Variants in MLIP observed in about 807,000 individuals in gnomAD.
MLIP encodes muscular LMNA-interacting protein.
A neutral mutation model predicts 84.8 loss-of-function variants in MLIP; 79 were observed. The observed-to-expected ratio is 0.93, with a 90% CI of 0.78 to 1.12. MLIP has a LOEUF of 1.12. MLIP is among the 50% of genes most tolerant of loss of function. MLIP has a pLI of 0.00. For synonymous variants in MLIP, 504 were observed against 463.0 expected, an observed-to-expected ratio of 1.09 and a Z score of -1.14; for missense variants, 1,257 against 1,160.6, an observed-to-expected ratio of 1.08 and a Z score of -1.21.
chr6:54,056,979 G>T (rs1765697942), intron 1 of MLIP, among the ~76,000 whole-genome samples: 1 of 152,136 alleles, frequency 6.6e-6, no homozygotes, highest in African/African-American at 2.4e-5. Flanking sequence ...GAAAAGAAAA[G>T]AAAATTGCTT....
chr6:54,184,793 CTCTCTT>C (rs1334625943), intron 9 of MLIP, among the ~76,000 whole-genome samples: 3 of 152,066 alleles, frequency 2.0e-5, no homozygotes, highest in Non-Finnish European at 4.4e-5. Flanking sequence ...AAGCCCATCT[CTCTCTT>C]TCTCTCATTA....
chr6:54,084,170 C>T (rs929506729), intron 1 of MLIP, among the ~76,000 whole-genome samples: 4 of 151,966 alleles, frequency 2.6e-5, no homozygotes, highest in African/African-American at 9.7e-5. Flanking sequence ...TTTTGCTCCC[C>T]CTATCACCCC....
intron 4 of MLIP, among the ~76,000 whole-genome samples, chr6:54,140,865 A>G (rs816374): frequency 0.31 from 47,008 of 152,066 alleles, 7,627 homozygotes; most frequent in African/African-American, 0.4. Context: ...GTGATATTGA[A>G]GAATTTATAT....
intron 1 of MLIP, among the ~76,000 whole-genome samples, chr6:54,086,153 T>C (rs1003558903): frequency 2.3e-4 from 35 of 152,338 alleles, no homozygotes; most frequent in South Asian, 6.2e-4. Context: ...TGGTTCTTTA[T>C]CTACATTTAC....
intron 5 of MLIP, among the ~76,000 whole-genome samples, chr6:54,159,964 G>T (rs1302502533): frequency 6.6e-6 from 1 of 152,034 alleles, no homozygotes; most frequent in African/African-American, 2.4e-5. Flanking sequence ...GCATGATACT[G>T]GTACCAAAAG....
chr6:54,220,941 G>A (rs553856537), intron 11 of MLIP, among the ~76,000 whole-genome samples: 18 of 150,126 alleles, frequency 1.2e-4, no homozygotes, highest in African/African-American at 3.9e-4. Flanking sequence ...ACACACACAC[G>A]TAGAGGATTC....
intron 10 of MLIP, among the ~76,000 whole-genome samples, chr6:54,193,632 C>T (rs1447672842): frequency 6.6e-6 from 1 of 152,080 alleles, no homozygotes; most frequent in South Asian, 2.1e-4. Flanking sequence ...TCACTGGGTA[C>T]CTCCTGTGTC....
chr6:54,038,946 C>T (rs1764595040), intron 1 of MLIP, among the ~76,000 whole-genome samples: 1 of 151,870 alleles, frequency 6.6e-6, no homozygotes, highest in Non-Finnish European at 1.5e-5. Context: ...ATTTTGAGCA[C>T]ATTCTCGCCA....
At chr6:54,235,732 T>C (rs1452055308) in intron 12 of MLIP, among the ~76,000 whole-genome samples, 4 of 152,232 alleles carry the variant, frequency 2.6e-5, no homozygotes, top group Non-Finnish European at 1.5e-5. Context: ...TAGAATAATG[T>C]CACTCAGTTG....
intron 8 of MLIP, among the ~76,000 whole-genome samples, chr6:54,161,420 T>G (rs990072339): frequency 1.3e-5 from 2 of 151,976 alleles, no homozygotes; most frequent in Non-Finnish European, 2.9e-5. Context: ...AAAATAGTTA[T>G]TTTCATTTGT....
chr6:54,113,257 G>T (rs1296432306), intron 1 of MLIP, among the ~76,000 whole-genome samples: 3 of 152,086 alleles, frequency 2.0e-5, no homozygotes, highest in Non-Finnish European at 2.9e-5. Context: ...ACTCCTAAAG[G>T]ATTATCTTTA....
intron 4 of MLIP, among the ~76,000 whole-genome samples, chr6:54,141,299 C>T (rs1462809691): frequency 6.9e-6 from 1 of 145,228 alleles, no homozygotes; most frequent in East Asian, 2.0e-4. Flanking sequence ...CATCTGAATG[C>T]TGCTCAGCCT....
chr6:54,153,054 G>C lies in MLIP; in HGVS notation c.2289+3927G>C, dbSNP rs117670061. Among the ~76,000 whole-genome samples, 81 of 152,064 alleles carry C rather than the reference G, an allele frequency of 5.3e-4. No homozygotes were observed. The East Asian group carries it at 0.015, about 28-fold the overall frequency. On this transcript the variant is annotated intron_variant, in intron 5 of 13. Transcript: ENST00000502396. ...CTAGGTACAATGTTCCTAATAAATG[G>C]CATTACTCTTTGCCATTTTCACGAT...
rs1771889685 is a variant in MLIP at position 54,137,258 on chromosome 6, T to G, written c.1189T>G (p.Ser397Ala). 1.3e-6 allele frequency: 2 copies of G among 1,536,024 alleles called. No individual in the cohort carries two copies. ...SSSTICSQMS[S>A]SGNLSKSGVK... Reference sequence around the variant, plus strand: ...TTCCACCATCTGCAGCCAAATGTCATCTAGTGGAAATCTTTCAAAGTCAGG... The same window carrying G: ...TTCCACCATCTGCAGCCAAATGTCAGCTAGTGGAAATCTTTCAAAGTCAGG... Residue 397 changes from serine to alanine, a missense_variant, in exon 4 of 14, where the codon TCT becomes GCT. Ser to Ala is a moderately conservative substitution (Grantham distance 99). Coordinates refer to ENST00000502396, the MANE Select transcript of MLIP (RefSeq NM_001281747.2).
At chr6:54,042,629 T>C (rs1437511609) in intron 1 of MLIP, among the ~76,000 whole-genome samples, 3 of 152,258 alleles carry the variant, frequency 2.0e-5, no homozygotes, top group Non-Finnish European at 2.9e-5. Flanking sequence ...GAACTAAGCA[T>C]GTTGAGGAAA....
intron 1 of MLIP, among the ~76,000 whole-genome samples, chr6:54,038,095 G>A: frequency 6.6e-6 from 1 of 151,960 alleles, no homozygotes; most frequent in East Asian, 1.9e-4. Flanking sequence ...TGTGGTATGA[G>A]TACCCATAAA....
chr6:54,185,270 C>T (rs1777275942), intron 9 of MLIP, among the ~76,000 whole-genome samples: 1 of 152,146 alleles, frequency 6.6e-6, no homozygotes, highest in Non-Finnish European at 1.5e-5. Context: ...AGTCACTATT[C>T]TTCCTCTTTG....
rs139547470 is a variant in MLIP, at chr6:54,056,031, G to T, written c.63+36940G>T. ...TTTTAATATTTTAAAACTTCTCTACGACAACCATATGCCACTTTTAAATTT... is the reference window on the plus strand; with the variant it reads ...TTTTAATATTTTAAAACTTCTCTACTACAACCATATGCCACTTTTAAATTT... On this transcript the variant is annotated intron_variant, in intron 1 of 12. Coordinates refer to the MLIP transcript ENST00000274897. Among the ~76,000 whole-genome samples, 214 of 151,996 alleles carry T rather than the reference G, an allele frequency of 1.4e-3. 1 individual carries two copies. The highest frequency in any genetic ancestry group is 4.8e-3 in the African/African-American group (199 of 41,482).
intron 3 of MLIP, among the ~76,000 whole-genome samples, chr6:54,128,396 G>GA (rs1447473250): frequency 6.6e-6 from 1 of 152,028 alleles, no homozygotes; most frequent in African/African-American, 2.4e-5. Context: ...AAGCACCTAT[G>GA]AAAAAAGAGA....
Sources: allele counts gnomAD v4.1 joint callset (sites outside exome capture counted in the v4.1 genomes callset), GRCh38; gene constraint gnomAD v4.1.1; transcripts MANE v1.5; gene names NCBI Gene and HGNC (gene_info 2026-07-23, HGNC 2026-07-21).